Variants in ATR observed in about 807,000 individuals in gnomAD.
ATR encodes the protein ATR checkpoint kinase.
A neutral mutation model predicts 305.3 loss-of-function variants in ATR; 142 were observed. That is an observed-to-expected ratio of 0.47 (90% CI 0.41 to 0.53). ATR has a LOEUF of 0.53. ATR is among the 20% of genes least tolerant of loss of function. ATR has a pLI of 0.00. For synonymous variants in ATR, 1,050 were observed against 1,068.1 expected, an observed-to-expected ratio of 0.98 and a Z score of 0.33; for missense variants, 2,135 against 3,133.1, an observed-to-expected ratio of 0.68 and a Z score of 7.60.
intron 16 of ATR, 121 bp downstream of exon 16, chr3:142,547,604 A>G (rs2034317870): frequency 2.6e-6 from 3 of 1,165,744 alleles, no homozygotes; most frequent in African/African-American, 1.6e-5. Context: ...ATACCAACTT[A>G]AAATTTAAAC....
rs149587581 is a variant in ATR at position 142,496,967 on chromosome 3, C to A, written c.5738+46G>T. On this transcript the variant is annotated intron_variant, in intron 33 of 46. Coordinates refer to ENST00000350721, the MANE Select transcript of ATR (RefSeq NM_001184.4). ...ACACCCCCAAATAATATCCAAATACCAAATTCAAGATAAGTGACATTTTTA... is the reference window on the plus strand; with the variant it reads ...ACACCCCCAAATAATATCCAAATACAAAATTCAAGATAAGTGACATTTTTA... The A allele has an allele frequency of 7.6e-5, 119 of 1,565,774 alleles. 1 individual carries two copies. In the East Asian group the frequency reaches 2.6e-3, roughly 35 times the overall value.
Position 142,457,743 on chromosome 3 carries a change from C to G in ATR, c.7516G>C (p.Glu2506Gln). The G allele has an allele frequency of 6.2e-7, 1 of 1,613,876 alleles. No homozygotes were observed. The highest frequency in any genetic ancestry group is 8.5e-7 in the Non-Finnish European group (1 of 1,179,834). Residue 2506 changes from glutamate to glutamine, a missense_variant, in exon 45 of 47, where the codon GAA (glutamate) becomes CAA (glutamine). Physicochemically the swap from Glu to Gln is conservative, Grantham distance 29 (BLOSUM62 2). This residue lies in a region of ATR where 462 missense variants were observed against 887.6 expected (regional missense o/e 0.52). Transcript: ENST00000350721. ...CGAAATGGCACAATTTCTGGAACTT[C>G]AAAGGTTTCTCCCTTAGAAACAATA... ...NCLFNKGETF[E>Q]VPEIVPFRLT... is the part of the protein sequence containing the mutation.
Position 142,553,368 on chromosome 3 carries a change from T to C in ATR, c.2664A>G (p.Ala888=), listed in dbSNP as rs767374235. ...ACAAACAATGCAATAAGTGTAAGAG[T>C]GCAAATGGTACCAAATCTCCTTTTG... ...RAAKGDLVPF[A]LLHLLHCLLS... The change falls in exon 13 of 47, where the codon GCA becomes GCG. Residue 888 remains alanine (A), a synonymous_variant. Transcript: ENST00000350721. 1.7e-5 allele frequency: 28 copies of C among 1,613,730 alleles called. No individual in the cohort carries two copies. Among genetic ancestry groups the C allele is most frequent in the Middle Eastern group, 3.3e-4 (2 of 6,082 alleles).
rs1333914311 is a variant in ATR at position 142,562,765 on chromosome 3, G to A, written c.637C>T (p.Leu213Phe). The change falls in exon 4 of 47, where the codon CTT (leucine) becomes TTT (phenylalanine). Residue 213 changes from leucine (L) to phenylalanine (F), a missense_variant. Physicochemically the swap from Leu to Phe is conservative, Grantham distance 22. Transcript: ENST00000350721. ...EFIEVTLLMV[L>F]TRIIAIVFFR... is the part of the protein sequence containing the mutation. ...AACACAATTGCAATAATACGAGTAAGAACCATTAATAAAGTGACTTCAATA... is the reference window on the plus strand; with the variant it reads ...AACACAATTGCAATAATACGAGTAAAAACCATTAATAAAGTGACTTCAATA... 2 of 1,611,394 alleles carry A rather than the reference G, an allele frequency of 1.2e-6. No individual in the cohort carries two copies. Among genetic ancestry groups the A allele is most frequent in the East Asian group, 4.5e-5 (2 of 44,870 alleles).
intron 36 of ATR, among the ~76,000 whole-genome samples, chr3:142,470,492 C>T (rs1006663881): frequency 2.6e-5 from 4 of 152,084 alleles, no homozygotes; most frequent in Non-Finnish European, 1.5e-5. Flanking sequence ...GATCTCTGTG[C>T]CTTCATTTGC....
At chr3:142,523,436 G>A (rs2033240515) in intron 22 of ATR, among the ~76,000 whole-genome samples, 1 of 151,882 alleles carries the variant, frequency 6.6e-6, no homozygotes. Context: ...AACACAAAAT[G>A]TATACATAGC....
chr3:142,474,303 T>G (rs755077684), intron 36 of ATR, among the ~76,000 whole-genome samples: 5 of 152,168 alleles, frequency 3.3e-5, no homozygotes, highest in Non-Finnish European at 7.4e-5. Context: ...GAAACTACAT[T>G]GAATCTGTAG....
In ATR at chr3:142,459,124, C is replaced by A. The variant is rs2108260774; in HGVS notation, c.7350-13G>T. On this transcript the variant is annotated splice_polypyrimidine_tract_variant and intron_variant, in intron 43 of 46. Transcript: ENST00000350721. The stretch of plus-strand genomic sequence containing the variant: ...TCTACTACTGTACCTAAAAGAAACA[C>A]AATGCCTATGAAATATCCATATACA... 1 of 1,613,826 alleles carries A rather than the reference C, an allele frequency of 6.2e-7. No individual in the cohort carries two copies. Among genetic ancestry groups the A allele is most frequent in the Non-Finnish European group, 8.5e-7 (1 of 1,179,808 alleles).
intron 36 of ATR, among the ~76,000 whole-genome samples, chr3:142,476,575 A>G (rs946165087): frequency 1.2e-4 from 19 of 152,124 alleles, no homozygotes; most frequent in African/African-American, 2.2e-4. Flanking sequence ...TTGGCAATGC[A>G]GGCTCTTTTT....
At chr3:142,548,255 T>C (rs2034344725) in intron 15 of ATR, among the ~76,000 whole-genome samples, 1 of 152,250 alleles carries the variant, frequency 6.6e-6, no homozygotes, top group Non-Finnish European at 1.5e-5. Flanking sequence ...TAGCAGTCTT[T>C]CTGTTCAGAT....
intron 36 of ATR, among the ~76,000 whole-genome samples, chr3:142,481,431 T>C (rs965691965): frequency 1.3e-5 from 2 of 152,242 alleles, no homozygotes; most frequent in African/African-American, 2.4e-5. Context: ...ATCCTTTTAA[T>C]GTGCTGTTGA....
chr3:142,460,676 T>C (rs2108264088), intron 42 of ATR, among the ~76,000 whole-genome samples: 2 of 152,314 alleles, frequency 1.3e-5, no homozygotes, highest in Middle Eastern at 6.8e-3. Flanking sequence ...TAATTTGTTA[T>C]GGCAAATACC....
At chr3:142,454,968 G>A (rs559428389) in intron 45 of ATR, among the ~76,000 whole-genome samples, 2 of 152,246 alleles carry the variant, frequency 1.3e-5, no homozygotes, top group South Asian at 2.1e-4. Context: ...TATTAAAAAG[G>A]AAGAAGAAAA....
chr3:142,482,351 T>A (rs185629628), intron 36 of ATR, among the ~76,000 whole-genome samples: 12 of 152,330 alleles, frequency 7.9e-5, no homozygotes, highest in African/African-American at 2.6e-4. Flanking sequence ...AGAAACAGGT[T>A]TTAAAATGTA....
At chr3:142,482,848 A>C (rs932666434) in intron 36 of ATR, among the ~76,000 whole-genome samples, 6 of 151,168 alleles carry the variant, frequency 4.0e-5, no homozygotes, top group African/African-American at 1.5e-4. Flanking sequence ...AAAAAAAAAA[A>C]GAAGAACTGC....
At chr3:142,463,305 T>A (rs1193937686) in intron 41 of ATR, among the ~76,000 whole-genome samples, 1 of 152,202 alleles carries the variant, frequency 6.6e-6, no homozygotes, top group Non-Finnish European at 1.5e-5. Context: ...CTCAAGTAAA[T>A]CTGATACTCA....
At chr3:142,498,533 A>T in intron 32 of ATR, 64 bp downstream of exon 32, 2 of 1,526,844 alleles carry the variant, frequency 1.3e-6, no homozygotes, top group Admixed American at 1.8e-5. Flanking sequence ...ACTCAAAAAA[A>T]TTTTCCAATC....
intron 1 of ATR, among the ~76,000 whole-genome samples, chr3:142,572,936 T>A (rs1392149400): frequency 6.6e-6 from 1 of 152,200 alleles, no homozygotes; most frequent in Non-Finnish European, 1.5e-5. Flanking sequence ...ATGGAATATT[T>A]ACCTATTCCC....
intron 10 of ATR, 56 bp downstream of exon 10, chr3:142,555,821 T>A: frequency 1.3e-6 from 2 of 1,544,572 alleles, no homozygotes; most frequent in Non-Finnish European, 1.8e-6. Flanking sequence ...TTTTACTGAT[T>A]TGAAAAGCAG....
Sources: gnomAD v4.1 joint callset for allele counts (sites outside exome capture counted in the v4.1 genomes callset) on GRCh38, gnomAD v4.1.1 for gene constraint, gnomAD v4.1.1 regional missense constraint, MANE v1.5 for transcripts, NCBI Gene and HGNC (gene_info 2026-07-23, HGNC 2026-07-21) for gene names.